INPP4B: variants seen among roughly 807,000 people sequenced by gnomAD.
INPP4B encodes the protein inositol polyphosphate-4-phosphatase type II B.
In INPP4B, 55 loss-of-function variants were observed where a neutral mutation model predicts 122.5. That is an observed-to-expected ratio of 0.45 (90% CI 0.36 to 0.56). The LOEUF is 0.56. Ranked by LOEUF, INPP4B falls within the 20% of genes least tolerant of loss-of-function variation. INPP4B has a pLI of 0.00. For synonymous variants in INPP4B, 403 were observed against 388.7 expected, an observed-to-expected ratio of 1.04 and a Z score of -0.43; for missense variants, 1,000 against 1,097.7, an observed-to-expected ratio of 0.91 and a Z score of 1.26.
intron 11 of INPP4B, among the ~76,000 whole-genome samples, chr4:142,247,979 G>A (rs950986865): frequency 2.0e-5 from 3 of 152,024 alleles, no homozygotes; most frequent in African/African-American, 7.3e-5. Context: ...TTGTATTCTT[G>A]TATGGAAGAG....
chr4:142,326,550 C>T (rs1772439805), intron 7 of INPP4B, among the ~76,000 whole-genome samples: 1 of 152,188 alleles, frequency 6.6e-6, no homozygotes, highest in Non-Finnish European at 1.5e-5. Context: ...TCAGGTCAAA[C>T]TTCCACCACT....
intron 1 of INPP4B, among the ~76,000 whole-genome samples, chr4:142,834,088 C>T (rs1281384737): frequency 6.6e-6 from 1 of 152,028 alleles, no homozygotes; most frequent in Non-Finnish European, 1.5e-5. Context: ...TGTAGCCAAG[C>T]TCCAAAATAT....
At chr4:142,281,498 T>C (rs188436486) in intron 9 of INPP4B, among the ~76,000 whole-genome samples, 119 of 152,114 alleles carry the variant, frequency 7.8e-4, no homozygotes, top group African/African-American at 2.7e-3. Context: ...TATTAAATGC[T>C]AGTGATGTGA....
intron 12 of INPP4B, 52 bp downstream of exon 12, chr4:142,237,812 T>G: frequency 4.5e-6 from 5 of 1,114,890 alleles, no homozygotes; most frequent in Non-Finnish European, 6.3e-6. Context: ...ATTAAAAATT[T>G]TTAAATGGTA....
rs1193516258 is a variant in INPP4B at position 142,097,861 on chromosome 4, C to T, written c.2374+10232G>A. Among the ~76,000 whole-genome samples the T allele has an allele frequency of 3.3e-5, 5 of 152,280 alleles. No homozygotes were observed. In the East Asian group the frequency reaches 9.7e-4, roughly 29 times the overall value. ...CTGTTTGACTCTTTAAAACAACCAA[C>T]TAAATGACTCAACTTATACCATGCA... is the stretch of plus-strand genomic sequence containing the variant. On this transcript the variant is annotated intron_variant, in intron 23 of 25. Transcript: ENST00000262992.
At chr4:142,678,625 C>G (rs1838087) in intron 2 of INPP4B, among the ~76,000 whole-genome samples, 119,111 of 151,836 alleles carry the variant, frequency 0.78, 47,229 homozygotes, top group East Asian at 0.85. Context: ...AACGTAAGAG[C>G]ATATAAAAAG....
intron 25 of INPP4B, among the ~76,000 whole-genome samples, chr4:142,076,095 A>G (rs1298467520): frequency 6.6e-6 from 1 of 152,016 alleles, no homozygotes; most frequent in Non-Finnish European, 1.5e-5. Flanking sequence ...TGGCCTCCAC[A>G]CTCACAGGGT....
chr4:142,666,734 G>T lies in INPP4B; in HGVS notation c.-191+59105C>A, dbSNP rs77284668. ...ATGTCCAATTACATCACCAGCACTG[G>T]CTTTGAGAGCAAAAGGATGAAGACA... On this transcript the variant is annotated intron_variant, in intron 2 of 25. Transcript: ENST00000262992. Among the ~76,000 whole-genome samples the T allele has an allele frequency of 5.9e-5, 9 of 152,106 alleles. No homozygotes were observed. The East Asian group carries it at 1.7e-3, about 29-fold the overall frequency.
intron 2 of INPP4B, among the ~76,000 whole-genome samples, chr4:142,633,007 CAT>C (rs1340433895): frequency 5.3e-5 from 8 of 151,612 alleles, no homozygotes; most frequent in Non-Finnish European, 1.0e-4. Context: ...ATTTAAAAAA[CAT>C]GTAAACTATA....
chr4:142,418,389 C>T (rs1497388), intron 5 of INPP4B, among the ~76,000 whole-genome samples: 110,581 of 152,032 alleles, frequency 0.73, 40,744 homozygotes, highest in East Asian at 0.88. Flanking sequence ...ATTTATTGAA[C>T]GTCCAAATGT....
intron 15 of INPP4B, among the ~76,000 whole-genome samples, chr4:142,183,538 T>G (rs1831800394): frequency 7.6e-6 from 1 of 132,178 alleles, no homozygotes; most frequent in African/African-American, 2.9e-5. Flanking sequence ...ATATTTTATT[T>G]GTAGATGACT....
intron 5 of INPP4B, among the ~76,000 whole-genome samples, chr4:142,420,864 A>C (rs1156653492): frequency 6.6e-6 from 1 of 152,158 alleles, no homozygotes; most frequent in Non-Finnish European, 1.5e-5. Context: ...ACAAAAGTTC[A>C]GTGGCTAGAC....
intron 17 of INPP4B, among the ~76,000 whole-genome samples, chr4:142,155,426 A>G (rs17015598): frequency 0.11 from 17,336 of 152,146 alleles, 1,588 homozygotes; most frequent in African/African-American, 0.25. Flanking sequence ...TAGATTTCCT[A>G]TGGAGATACC....
intron 1 of INPP4B, among the ~76,000 whole-genome samples, chr4:142,771,417 A>T (rs1420517937): frequency 6.6e-6 from 1 of 152,170 alleles, no homozygotes; most frequent in Non-Finnish European, 1.5e-5. Context: ...AACCAATTTT[A>T]GGGAAGTAAT....
At chr4:142,389,335 A>G (rs901208423) in intron 7 of INPP4B, among the ~76,000 whole-genome samples, 26 of 152,160 alleles carry the variant, frequency 1.7e-4, no homozygotes, top group East Asian at 3.9e-4. Flanking sequence ...GTGTAGTTAT[A>G]TATGTGTCAT....
At chr4:142,195,571 A>G (rs149624781) in intron 14 of INPP4B, among the ~76,000 whole-genome samples, 9 of 152,308 alleles carry the variant, frequency 5.9e-5, no homozygotes, top group Non-Finnish European at 1.3e-4. Context: ...TTGTAAAAAT[A>G]TATGCAAGTT....
chr4:142,112,548 G>T lies in INPP4B; in HGVS notation c.2270C>A (p.Ala757Asp), dbSNP rs1250469797. The change falls in exon 22 of 26, where the codon GCT becomes GAT. Residue 757 changes from alanine (A) to aspartate (D), a missense_variant. Physicochemically the swap from Ala to Asp is moderately radical, Grantham distance 126. Transcript: ENST00000262992. ...NVGINEQQTL[A>D]ERFGDVSLQE... is the part of the protein sequence containing the mutation. ...CTCTTACACCAAAGCTTACCTTTCA[G>T]CCAGAGTTTGCTGTTCATTGATTCC... 6.2e-7 allele frequency: 1 copy of T among 1,612,790 alleles called. No homozygotes were observed. The highest frequency in any genetic ancestry group is 1.1e-5 in the South Asian group (1 of 90,910).
intron 14 of INPP4B, among the ~76,000 whole-genome samples, chr4:142,200,276 A>AT (rs58783413): frequency 3.3e-5 from 5 of 151,824 alleles, no homozygotes; most frequent in African/African-American, 9.7e-5. Context: ...ATTAAAAAAA[A>AT]TTTTTTTAGC....
chr4:142,089,830 A>G (rs561002855), intron 23 of INPP4B, among the ~76,000 whole-genome samples: 1 of 152,272 alleles, frequency 6.6e-6, no homozygotes, highest in Non-Finnish European at 1.5e-5. Flanking sequence ...GATCAACATA[A>G]AACATTTGCA....
Sources: gnomAD v4.1 joint callset for allele counts (sites outside exome capture counted in the v4.1 genomes callset) on GRCh38, gnomAD v4.1.1 for gene constraint, MANE v1.5 for transcripts, NCBI Gene and HGNC (gene_info 2026-07-23, HGNC 2026-07-21) for gene names.